Variants in DTNA observed in about 807,000 individuals in gnomAD.
DTNA encodes the protein dystrobrevin alpha, also known as dystrophin-related protein 3.
DTNA carries 43 observed loss-of-function variants against 100.7 expected under a neutral mutation model. The observed-to-expected ratio is 0.43, with a 90% confidence interval of 0.33 to 0.55. The LOEUF (loss-of-function observed/expected upper bound fraction) is 0.55, where lower values mean the gene tolerates loss of function less well. Ranked by LOEUF, DTNA falls within the 20% of genes least tolerant of loss-of-function variation. The pLI is 0.04. For missense variants in DTNA, 798 were observed against 953.9 expected (o/e 0.84, Z 2.15); for synonymous variants, 349 against 347.9 (o/e 1.00, Z -0.04).
chr18:34,785,145 C>T (rs1422217460), intron 3 of DTNA, among the ~76,000 whole-genome samples: 2 of 152,030 alleles, frequency 1.3e-5, no homozygotes, highest in Non-Finnish European at 2.9e-5. Context: ...AATCTCCTGA[C>T]CTCATGATCC....
intron 1 of DTNA, among the ~76,000 whole-genome samples, chr18:34,530,759 GA>G (rs1427000636): frequency 1.3e-5 from 2 of 152,078 alleles, no homozygotes; most frequent in African/African-American, 4.8e-5. Context: ...CTAAATAGTA[GA>G]GCCAGAATTC....
chr18:34,514,428 A>G (rs1360082112), intron 1 of DTNA, among the ~76,000 whole-genome samples: 1 of 152,102 alleles, frequency 6.6e-6, no homozygotes, highest in African/African-American at 2.4e-5. Context: ...CTGCTGACCC[A>G]GGGACCAAAC....
chr18:34,671,927 A>G (rs145871648), intron 1 of DTNA, among the ~76,000 whole-genome samples: 1,684 of 152,306 alleles, frequency 0.011, 19 homozygotes, highest in African/African-American at 0.038. Flanking sequence ...AGAGATTTCA[A>G]TACACTCTAT....
rs576150904 is a variant in DTNA, at chr18:34,642,646, A to T, written c.-1-113330A>T. Among the ~76,000 whole-genome samples the T allele has an allele frequency of 2.0e-5, 3 of 149,282 alleles. No homozygotes were observed. The South Asian group carries it at 6.5e-4, about 32-fold the overall frequency. On this transcript the variant is annotated intron_variant, in intron 1 of 19. Transcript: ENST00000283365. The stretch of plus-strand genomic sequence containing the variant: ...CGATCTCGGCTCACTGCGACCTCCG[A>T]CTCCCTGGTTCAAGCAACTCTTCTG...
At chr18:34,797,769 T>C (rs1486800114) in intron 4 of DTNA, among the ~76,000 whole-genome samples, 2 of 152,212 alleles carry the variant, frequency 1.3e-5, no homozygotes, top group East Asian at 1.9e-4. Flanking sequence ...TCGCCTGTCA[T>C]GGTCAAGTTG....
At chr18:34,700,354 C>T (rs1323661002) in intron 1 of DTNA, among the ~76,000 whole-genome samples, 1 of 152,154 alleles carries the variant, frequency 6.6e-6, no homozygotes, top group Non-Finnish European at 1.5e-5. Context: ...TCTCCAAATA[C>T]CACATGCTCC....
intron 21 of DTNA, among the ~76,000 whole-genome samples, chr18:34,883,950 G>C (rs991450786): frequency 6.6e-6 from 1 of 152,160 alleles, no homozygotes; most frequent in Non-Finnish European, 1.5e-5. Flanking sequence ...CCATGCTTCA[G>C]AAACAAATTC....
At chr18:34,812,394 G>T (rs1402172910) in intron 6 of DTNA, among the ~76,000 whole-genome samples, 1 of 152,116 alleles carries the variant, frequency 6.6e-6, no homozygotes, top group East Asian at 1.9e-4. Context: ...TTCTGTGTTA[G>T]TCTCTTTTCA....
chr18:34,595,750 G>A (rs2050467402), intron 1 of DTNA, among the ~76,000 whole-genome samples: 1 of 152,182 alleles, frequency 6.6e-6, no homozygotes, highest in African/African-American at 2.4e-5. Flanking sequence ...GATCGTAAGA[G>A]TAAGTTGAGA....
intron 17 of DTNA, chr18:34,867,332 T>C: frequency 8.1e-7 from 1 of 1,230,340 alleles, no homozygotes; most frequent in Non-Finnish European, 1.0e-6. Context: ...GATAATGTAT[T>C]ACATTATTTT....
At chr18:34,581,246 T>TCAAAA (rs10671354) in intron 1 of DTNA, among the ~76,000 whole-genome samples, 110,891 of 144,738 alleles carry the variant, frequency 0.77, 43,882 homozygotes, top group South Asian at 0.93. Flanking sequence ...AGATTGGGTC[T>TCAAAA]CAAAACAAAA....
intron 5 of DTNA, among the ~76,000 whole-genome samples, chr18:34,808,330 G>T (rs2149280408): frequency 6.6e-6 from 1 of 152,298 alleles, no homozygotes; most frequent in African/African-American, 2.4e-5. Context: ...AGGGGGGCTT[G>T]GTGGAGGTGA....
At chr18:34,812,184 A>C (rs1480034534) in intron 6 of DTNA, 71 bp downstream of exon 6, 1 of 1,600,688 alleles carries the variant, frequency 6.2e-7, no homozygotes, top group East Asian at 2.2e-5. Flanking sequence ...ATGTCATTCC[A>C]GGTCACAGAT....
chr18:34,871,254 T>C (rs1328002972), intron 17 of DTNA, among the ~76,000 whole-genome samples: 1 of 152,206 alleles, frequency 6.6e-6, no homozygotes, highest in East Asian at 1.9e-4. Flanking sequence ...ATCAAAACAC[T>C]TCCTGGAAAA....
chr18:34,820,955 T>A, intron 9 of DTNA, 40 bp downstream of exon 9: 1 of 1,613,848 alleles, frequency 6.2e-7, no homozygotes, highest in Non-Finnish European at 8.5e-7. Context: ...ACAATTTTCT[T>A]CAAGGGCACA....
chr18:34,579,671 A>G (rs1349053786), intron 1 of DTNA, among the ~76,000 whole-genome samples: 1 of 152,156 alleles, frequency 6.6e-6, no homozygotes, highest in Non-Finnish European at 1.5e-5. Flanking sequence ...CCTGTGTGAA[A>G]TGTCTTTTTC....
At chr18:34,722,722 C>T (rs1184726034) in intron 1 of DTNA, among the ~76,000 whole-genome samples, 1 of 151,980 alleles carries the variant, frequency 6.6e-6, no homozygotes, top group Non-Finnish European at 1.5e-5. Context: ...TCCCACCTGT[C>T]CCTCCCCCAT....
At chr18:34,613,862 A>C (rs1599060338) in intron 1 of DTNA, among the ~76,000 whole-genome samples, 1 of 152,348 alleles carries the variant, frequency 6.6e-6, no homozygotes, top group Admixed American at 6.5e-5. Flanking sequence ...CTAGCTAAGA[A>C]GACTGAGGAA....
intron 1 of DTNA, among the ~76,000 whole-genome samples, chr18:34,701,442 C>T (rs2081357490): frequency 6.6e-6 from 1 of 152,100 alleles, no homozygotes; most frequent in East Asian, 1.9e-4. Flanking sequence ...GTTTCTCCTG[C>T]TTCCTAGGTC....
Sources: allele counts gnomAD v4.1 joint callset (sites outside exome capture counted in the v4.1 genomes callset), GRCh38; gene constraint gnomAD v4.1.1; transcripts MANE v1.5; gene names NCBI Gene and HGNC (gene_info 2026-07-23, HGNC 2026-07-21).